Variants in SYT1 observed in about 807,000 individuals in gnomAD.
SYT1 encodes the protein synaptotagmin-1.
A neutral mutation model predicts 44.8 loss-of-function variants in SYT1; 8 were observed. The ratio of observed to expected loss-of-function variants is 0.18; its 90% CI spans 0.10 to 0.32. SYT1 has a LOEUF of 0.32. SYT1 is among the 10% of genes least tolerant of loss of function. SYT1 has a pLI of 1.00. For synonymous variants in SYT1, 154 were observed against 188.8 expected (o/e 0.82, Z 1.51); for missense variants, 286 against 509.3 (o/e 0.56, Z 4.22).
chr12:78,997,059 G>C (rs1870426740), intron 2 of SYT1, among the ~76,000 whole-genome samples: 1 of 152,146 alleles, frequency 6.6e-6, no homozygotes, highest in Non-Finnish European at 1.5e-5. Flanking sequence ...GCAGGAGTAT[G>C]GTCTCCAGGT....
chr12:79,250,058 A>C (rs544545562), intron 4 of SYT1, among the ~76,000 whole-genome samples: 2 of 152,224 alleles, frequency 1.3e-5, no homozygotes, highest in Non-Finnish European at 1.5e-5. Flanking sequence ...ATGCAATTCT[A>C]TAAGATGAAT....
chr12:79,131,108 G>T (rs1159502497), intron 3 of SYT1, among the ~76,000 whole-genome samples: 1 of 149,752 alleles, frequency 6.7e-6, no homozygotes, highest in Admixed American at 6.6e-5. Flanking sequence ...ATGTGTGCAT[G>T]TGTGTTTTCT....
intron 3 of SYT1, among the ~76,000 whole-genome samples, chr12:79,155,399 G>A (rs986357001): frequency 1.3e-5 from 2 of 152,204 alleles, no homozygotes; most frequent in East Asian, 1.9e-4. Context: ...TAGGATCCCA[G>A]TGTTAATATA....
At chr12:79,432,457 T>C (rs1372392312) in intron 9 of SYT1, among the ~76,000 whole-genome samples, 2 of 151,290 alleles carry the variant, frequency 1.3e-5, no homozygotes, top group Non-Finnish European at 2.9e-5. Flanking sequence ...AGTGAGAACA[T>C]GCGGTTTTTG....
intron 3 of SYT1, among the ~76,000 whole-genome samples, chr12:79,171,561 T>A (rs930382063): frequency 2.6e-5 from 4 of 152,006 alleles, no homozygotes; most frequent in African/African-American, 9.7e-5. Flanking sequence ...AATAAAAAAG[T>A]TCTTTCAAAT....
intron 4 of SYT1, among the ~76,000 whole-genome samples, chr12:79,281,067 A>G (rs1879026525): frequency 6.6e-6 from 1 of 152,074 alleles, no homozygotes; most frequent in Admixed American, 6.6e-5. Context: ...GTAAATTAGT[A>G]CAACTTCTAT....
At chr12:78,876,836 T>TATATTATATGTATTAC (rs1874145504) in intron 1 of SYT1, among the ~76,000 whole-genome samples, 13 of 56,398 alleles carry the variant, frequency 2.3e-4, no homozygotes, top group African/African-American at 1.0e-3. Context: ...ATATGTATTA[T>TATATTATATGTATTAC]ATATAATATA....
intron 5 of SYT1, among the ~76,000 whole-genome samples, chr12:79,287,046 A>G (rs1173658371): frequency 6.6e-6 from 1 of 152,146 alleles, no homozygotes; most frequent in Non-Finnish European, 1.5e-5. Context: ...TTTTAAGTAC[A>G]TTTGCGTTGT....
At chr12:79,389,990 C>T (rs574669610) in intron 9 of SYT1, among the ~76,000 whole-genome samples, 148 of 151,098 alleles carry the variant, frequency 9.8e-4, no homozygotes, top group African/African-American at 2.8e-3. Flanking sequence ...TGGAGTGCAG[C>T]GGCGCGATCT....
At chr12:78,888,547 G>A (rs767967494) in intron 1 of SYT1, among the ~76,000 whole-genome samples, 44 of 151,880 alleles carry the variant, frequency 2.9e-4, no homozygotes, top group African/African-American at 4.8e-4. Context: ...GTTTAGCACC[G>A]TGCTGGACAC....
intron 9 of SYT1, among the ~76,000 whole-genome samples, chr12:79,443,836 T>G (rs965999011): frequency 2.0e-5 from 3 of 152,150 alleles, no homozygotes; most frequent in African/African-American, 7.2e-5. Context: ...AAGAGCTGGT[T>G]TACCAGCATA....
chr12:79,121,901 G>A (rs1027821050), intron 3 of SYT1, among the ~76,000 whole-genome samples: 2 of 152,138 alleles, frequency 1.3e-5, no homozygotes, highest in Admixed American at 6.5e-5. Flanking sequence ...TGTTTATTAA[G>A]TTCCTAATAC....
intron 4 of SYT1, among the ~76,000 whole-genome samples, chr12:79,254,591 T>C (rs1048656009): frequency 6.6e-6 from 1 of 152,196 alleles, no homozygotes; most frequent in Non-Finnish European, 1.5e-5. Context: ...AAATACATTT[T>C]GTAAGACTGT....
Position 79,449,045 on chromosome 12 carries a change from A to G in SYT1, c.1190A>G (p.Asn397Ser). The change falls in exon 11 of 11, where the codon AAC (asparagine) becomes AGC (serine). Residue 397 changes from asparagine (N) to serine (S), a missense_variant. By Grantham distance (46) the Asn-to-Ser change is conservative. Coordinates refer to ENST00000261205, the MANE Select transcript of SYT1 (RefSeq NM_005639.3). ...CGACACTGGTCAGACATGCTGGCCA[A>G]CCCCAGGCGACCTATTGCCCAGTGG... ...ELRHWSDMLA[N>S]PRRPIAQWHT... The G allele has an allele frequency of 5.0e-6, 8 of 1,614,196 alleles. No individual in the cohort carries two copies. Among genetic ancestry groups the G allele is most frequent in the Non-Finnish European group, 6.8e-6 (8 of 1,180,020 alleles).
intron 3 of SYT1, among the ~76,000 whole-genome samples, chr12:79,131,288 AG>A (rs1868802716): frequency 6.6e-6 from 1 of 152,066 alleles, no homozygotes; most frequent in Non-Finnish European, 1.5e-5. Context: ...TTTTTTAGAG[AG>A]GGTGGTGGCC....
intron 4 of SYT1, 25 bp downstream of exon 4, chr12:79,217,710 A>G: frequency 6.4e-7 from 1 of 1,568,150 alleles, no homozygotes; most frequent in Non-Finnish European, 8.6e-7. Context: ...TTAGTACTTG[A>G]GTAAAAATAA....
chr12:79,052,440 G>C (rs1277849309), intron 3 of SYT1, among the ~76,000 whole-genome samples: 3 of 152,198 alleles, frequency 2.0e-5, no homozygotes, highest in Admixed American at 6.5e-5. Flanking sequence ...CAGGACATAT[G>C]CATGGGCAAG....
intron 9 of SYT1, among the ~76,000 whole-genome samples, chr12:79,417,702 T>C (rs1159887597): frequency 1.3e-5 from 2 of 152,156 alleles, no homozygotes; most frequent in African/African-American, 4.8e-5. Context: ...ATTTACCCTA[T>C]GCTCCAGCAG....
chr12:78,887,483 A>G (rs960257008), intron 1 of SYT1, among the ~76,000 whole-genome samples: 1 of 151,986 alleles, frequency 6.6e-6, no homozygotes, highest in African/African-American at 2.4e-5. Context: ...TGCTGAGATC[A>G]TTAACAGCGA....
Sources: allele counts gnomAD v4.1 joint callset (sites outside exome capture counted in the v4.1 genomes callset), GRCh38; gene constraint gnomAD v4.1.1; transcripts MANE v1.5; gene names NCBI Gene and HGNC (gene_info 2026-07-23, HGNC 2026-07-21).